Variants in TLN2 observed in about 807,000 individuals in gnomAD.
TLN2 encodes the protein talin-2.
A neutral mutation model predicts 294.7 loss-of-function variants in TLN2; 118 were observed. The observed-to-expected ratio is 0.40, with a 90% CI of 0.34 to 0.47. The LOEUF is 0.47. TLN2 is among the 20% of genes least tolerant of loss of function. The pLI, the probability that TLN2 is intolerant of heterozygous loss-of-function variation, is 0.84. For synonymous variants in TLN2, 1,431 were observed against 1,304.5 expected (o/e 1.10, Z -2.09); for missense variants, 3,083 against 3,282.2 (o/e 0.94, Z 1.48).
chr15:62,770,917 G>T (rs762545988), intron 41 of TLN2, 47 bp from the exon 42 acceptor site: 2 of 1,572,978 alleles, frequency 1.3e-6, no homozygotes, highest in Non-Finnish European at 1.7e-6. Context: ...AAGGAGACAC[G>T]TGTATTTACA....
chr15:62,637,666 G>A (rs771256778), intron 3 of TLN2: 3 of 152,254 alleles, frequency 2.0e-5, no homozygotes, highest in Non-Finnish European at 4.4e-5. Context: ...GCACTTCATT[G>A]CTGAGTGGTC....
intron 31 of TLN2, among the ~76,000 whole-genome samples, chr15:62,740,139 G>A (rs1361607330): frequency 1.3e-5 from 2 of 150,598 alleles, no homozygotes; most frequent in South Asian, 2.1e-4. Flanking sequence ...TTGTTTCTCA[G>A]ATGGCAACCG....
At chr15:62,429,582 G>A (rs777610193) in intron 1 of TLN2, among the ~76,000 whole-genome samples, 3 of 152,138 alleles carry the variant, frequency 2.0e-5, no homozygotes, top group Non-Finnish European at 4.4e-5. Context: ...GTGTGTTTTG[G>A]AGAAGCTAGA....
At position 62,415,027 on chromosome 15, in the gene TLN2, G is replaced by GC. The variant is rs1427188708; in HGVS notation, c.-238+24348dup. On this transcript the variant is annotated intron_variant, in intron 1 of 58. Transcript: ENST00000636159. ...CCCAGGTTCAAGCAATTCTGCCTCA[G>GC]CCCCCCGAGTAGCTGGGATTACAGG... Among the ~76,000 whole-genome samples, 2 of 140,934 alleles carry GC rather than the reference G, an allele frequency of 1.4e-5. 1 individual carries two copies. Among genetic ancestry groups the GC allele is most frequent in the East Asian group, 6.9e-4 (2 of 2,888 alleles). The allele number at this position is 140,934 out of a possible 152,430, so 92.5% of individuals were successfully genotyped here.
chr15:62,459,296 G>A (rs944841853), intron 1 of TLN2, among the ~76,000 whole-genome samples: 3 of 100,182 alleles, frequency 3.0e-5, no homozygotes, highest in Non-Finnish European at 6.0e-5. Flanking sequence ...CACCACGCTC[G>A]GCCTTTTTTT....
At position 62,792,673 on chromosome 15, in the gene TLN2, C is replaced by G; in HGVS notation, c.5769C>G (p.Asp1923Glu). ...TCCAGATTCGCACTCGTGTGCAGGACCTGGGCCACGGCTGTATCTTCCTGG... is the reference window on the plus strand; with the variant it reads ...TCCAGATTCGCACTCGTGTGCAGGAGCTGGGCCACGGCTGTATCTTCCTGG... ...IGFQIRTRVQ[D>E]LGHGCIFLVQ... The change falls in exon 46 of 59, where the codon GAC (aspartate) becomes GAG (glutamate). Residue 1923 changes from aspartate (D) to glutamate (E), a missense_variant. Asp to Glu is a conservative substitution (Grantham distance 45). Transcript: ENST00000636159. 6.2e-7 allele frequency: 1 copy of G among 1,613,858 alleles called. No homozygotes were observed.
chr15:62,554,637 A>G (rs1181336924), intron 1 of TLN2, among the ~76,000 whole-genome samples: 1 of 152,154 alleles, frequency 6.6e-6, no homozygotes, highest in Non-Finnish European at 1.5e-5. Flanking sequence ...CACTTTTACC[A>G]AGGCCAGTAA....
intron 22 of TLN2, among the ~76,000 whole-genome samples, chr15:62,714,051 A>G (rs2059607763): frequency 6.6e-6 from 1 of 151,698 alleles, no homozygotes; most frequent in African/African-American, 2.4e-5. Context: ...TTATGTTCAT[A>G]AAAAATTACT....
At chr15:62,744,164 A>G (rs9806612) in intron 32 of TLN2, among the ~76,000 whole-genome samples, 90,088 of 151,832 alleles carry the variant, frequency 0.59, 27,797 homozygotes, top group Non-Finnish European at 0.69. Context: ...CCTCCCTTTC[A>G]GGCAGACTCT....
chr15:62,750,868 C>T (rs182001766), intron 34 of TLN2, among the ~76,000 whole-genome samples: 4 of 152,260 alleles, frequency 2.6e-5, no homozygotes, highest in Admixed American at 2.6e-4. Flanking sequence ...GTATTTTCTA[C>T]ACCGGAACTG....
intron 6 of TLN2, among the ~76,000 whole-genome samples, 196 bp downstream of exon 6, chr15:62,652,330 C>A (rs2052683836): frequency 6.6e-6 from 1 of 152,188 alleles, no homozygotes; most frequent in African/African-American, 2.4e-5. Context: ...CACTAAGTCA[C>A]AACGGAGGGC....
chr15:62,564,053 A>G (rs1314140687), intron 1 of TLN2, among the ~76,000 whole-genome samples: 2 of 152,214 alleles, frequency 1.3e-5, no homozygotes, highest in Admixed American at 1.3e-4. Flanking sequence ...TCTTCCTTAA[A>G]TAATGAGTTT....
At position 62,773,879 on chromosome 15, in the gene TLN2, T is replaced by C. The variant is rs576543091; in HGVS notation, c.5367+2745T>C. ...TGCCTGACATAGTAGATATGTTTTT[T>C]AAAAAAGCGGCAGCCCAGAACCTGG... is the stretch of plus-strand genomic sequence containing the variant. On this transcript the variant is annotated intron_variant, in intron 42 of 58. Coordinates refer to ENST00000636159, the MANE Select transcript of TLN2 (RefSeq NM_015059.3). 1.2e-4 allele frequency among the ~76,000 whole-genome samples: 19 copies of C among 152,280 alleles called. No individual in the cohort carries two copies. The East Asian group carries it at 2.7e-3, about 22-fold the overall frequency.
At chr15:62,591,628 T>C (rs1055488465) in intron 2 of TLN2, among the ~76,000 whole-genome samples, 1 of 152,130 alleles carries the variant, frequency 6.6e-6, no homozygotes, top group African/African-American at 2.4e-5. Context: ...CTTCCCACCA[T>C]TGTGGGGCAG....
intron 2 of TLN2, among the ~76,000 whole-genome samples, chr15:62,591,712 G>A (rs919348283): frequency 5.9e-5 from 9 of 152,106 alleles, no homozygotes; most frequent in African/African-American, 1.9e-4. Flanking sequence ...GGGGTGAGGC[G>A]GGTAGAATAC....
chr15:62,580,515 A>G (rs572913345), intron 1 of TLN2, among the ~76,000 whole-genome samples: 1 of 151,270 alleles, frequency 6.6e-6, no homozygotes, highest in Non-Finnish European at 1.5e-5. Flanking sequence ...GGCTCAGGCA[A>G]TCCTCCTACC....
chr15:62,718,988 G>T lies in TLN2; in HGVS notation c.2878-779G>T, dbSNP rs565474899. Among the ~76,000 whole-genome samples, 8 of 152,358 alleles carry T rather than the reference G, an allele frequency of 5.3e-5. No homozygotes were observed. In the East Asian group the frequency reaches 1.5e-3, roughly 29 times the overall value. On this transcript the variant is annotated intron_variant, in intron 24 of 58. Coordinates refer to ENST00000636159, the MANE Select transcript of TLN2 (RefSeq NM_015059.3). The stretch of plus-strand genomic sequence containing the variant: ...CATGGAAATATTTGTTTTAACTTGT[G>T]CTGGAGCAGTCCTAGAAAAATATGT...
intron 12 of TLN2, among the ~76,000 whole-genome samples, chr15:62,687,593 G>A (rs2057389741): frequency 6.6e-6 from 1 of 152,178 alleles, no homozygotes; most frequent in Admixed American, 6.5e-5. Context: ...AGGGCAAGAT[G>A]TGCAATAAGA....
rs2063008080 is a variant in TLN2 at position 62,766,402 on chromosome 15, G to A, written c.5176G>A (p.Ala1726Thr). ...CATCGCCACAGCGGCTCGGGGAGAA[G>A]CAGCTCAGCTGGGACATAAGGTAAT... ...DPIATAARGE[A>T]AQLGHKVTQL... The change falls in exon 41 of 59, where the codon GCA becomes ACA. Residue 1726 changes from alanine to threonine, a missense_variant. Coordinates refer to ENST00000636159, the MANE Select transcript of TLN2 (RefSeq NM_015059.3). 1 of 1,611,878 alleles carries A rather than the reference G, an allele frequency of 6.2e-7. No individual in the cohort carries two copies. The highest frequency in any genetic ancestry group is 8.5e-7 in the Non-Finnish European group (1 of 1,178,110).
Sources: gnomAD v4.1 joint callset for allele counts (sites outside exome capture counted in the v4.1 genomes callset) on GRCh38, gnomAD v4.1.1 for gene constraint, MANE v1.5 for transcripts, NCBI Gene and HGNC (gene_info 2026-07-23, HGNC 2026-07-21) for gene names.